ATXN7L1: variants seen among roughly 807,000 people sequenced by gnomAD.
ATXN7L1 encodes ataxin-7-like protein 1.
ATXN7L1 carries 15 observed loss-of-function variants against 70.8 expected under a neutral mutation model. The observed-to-expected ratio is 0.21, with a 90% CI of 0.14 to 0.33. The LOEUF is 0.33. ATXN7L1 is among the 10% of genes least tolerant of loss of function. The probability of loss-of-function intolerance (pLI) is 1.00; values close to 1 mark genes in which losing one functional copy is unlikely to be tolerated. For synonymous variants in ATXN7L1, 440 were observed against 445.1 expected (o/e 0.99, Z 0.14); for missense variants, 975 against 1,097.1 (o/e 0.89, Z 1.57).
rs567629010 is a variant in ATXN7L1, at chr7:105,815,326, T to C, written c.251-26618A>G. ...ACTGCAGGCTGACTTTCTACCTTAT[T>C]ATTAAGAGTTGTGTGATTTTGAAAC... On this transcript the variant is annotated intron_variant, in intron 2 of 11. Coordinates refer to ENST00000419735, the MANE Select transcript of ATXN7L1 (RefSeq NM_020725.2). Among the ~76,000 whole-genome samples the C allele has an allele frequency of 7.8e-4, 119 of 152,308 alleles. 1 individual carries two copies. The highest frequency in any genetic ancestry group is 5.2e-3 in the Admixed American group (79 of 15,294).
intron 3 of ATXN7L1, among the ~76,000 whole-genome samples, chr7:105,747,334 G>A (rs1230806666): frequency 1.3e-5 from 2 of 152,124 alleles, no homozygotes; most frequent in Non-Finnish European, 2.9e-5. Context: ...AAAAGGGTTC[G>A]GAGAACTTCT....
chr7:105,867,677 C>T (rs1278961237), intron 2 of ATXN7L1, among the ~76,000 whole-genome samples: 1 of 152,248 alleles, frequency 6.6e-6, no homozygotes, highest in African/African-American at 2.4e-5. Context: ...ATCGACAAGG[C>T]TGACTTACAT....
Position 105,876,397 on chromosome 7 carries a change from G to C in ATXN7L1, c.162C>G (p.Ala54=). 1 of 1,609,584 alleles carries C rather than the reference G, an allele frequency of 6.2e-7. No individual in the cohort carries two copies. The highest frequency in any genetic ancestry group is 1.1e-5 in the South Asian group (1 of 90,256). The part of the protein sequence containing the change: ...GKPWSSWIDA[A]KLHCSDNVDL... ...TCTTACTGTCGGAGCAGTGTAATTT[G>C]GCGGCGTCGATCCAGGAGGACCAGG... The change falls in exon 1 of 12, where the codon GCC becomes GCG. Residue 54 remains alanine, a synonymous_variant. Transcript: ENST00000419735.
intron 3 of ATXN7L1, among the ~76,000 whole-genome samples, chr7:105,786,531 T>C (rs1804331096): frequency 6.6e-6 from 1 of 152,198 alleles, no homozygotes; most frequent in African/African-American, 2.4e-5. Context: ...TTATTGTTTG[T>C]TTCTCTTGAG....
intron 3 of ATXN7L1, chr7:105,678,904 G>A: frequency 4.0e-6 from 1 of 251,528 alleles, no homozygotes; most frequent in Non-Finnish European, 6.3e-6. Flanking sequence ...CCAGCCCACA[G>A]CCGGAGAGCA....
At chr7:105,841,374 C>T (rs746539870) in intron 2 of ATXN7L1, among the ~76,000 whole-genome samples, 3 of 152,236 alleles carry the variant, frequency 2.0e-5, no homozygotes, top group Non-Finnish European at 4.4e-5. Flanking sequence ...TGCTTATCCA[C>T]GGTTTCACTT....
chr7:105,719,640 C>A (rs776322877), intron 3 of ATXN7L1, among the ~76,000 whole-genome samples: 3 of 152,124 alleles, frequency 2.0e-5, no homozygotes, highest in Non-Finnish European at 4.4e-5. Context: ...GAGAAGCGGA[C>A]TAAGCCTAGG....
intron 4 of ATXN7L1, among the ~76,000 whole-genome samples, chr7:105,645,874 G>T (rs528380855): frequency 6.6e-6 from 1 of 151,922 alleles, no homozygotes; most frequent in South Asian, 2.1e-4. Flanking sequence ...AGGGGTGGTG[G>T]TGCATGCCTG....
intron 3 of ATXN7L1, among the ~76,000 whole-genome samples, chr7:105,753,021 AGACT>A (rs1164682522): frequency 1.3e-5 from 2 of 152,248 alleles, no homozygotes; most frequent in Non-Finnish European, 2.9e-5. Context: ...TCTGTGACAC[AGACT>A]AATTAAATGA....
chr7:105,861,036 G>T (rs1376449663), intron 2 of ATXN7L1, among the ~76,000 whole-genome samples: 1 of 152,138 alleles, frequency 6.6e-6, no homozygotes, highest in Non-Finnish European at 1.5e-5. Flanking sequence ...GAGCGGCAGG[G>T]TGGCTTCCTT....
At chr7:105,680,184 G>A (rs1434003683) in intron 3 of ATXN7L1, among the ~76,000 whole-genome samples, 2 of 151,990 alleles carry the variant, frequency 1.3e-5, no homozygotes, top group Non-Finnish European at 2.9e-5. Context: ...ACTCCCTCAC[G>A]TCATGATCAC....
intron 10 of ATXN7L1, among the ~76,000 whole-genome samples, chr7:105,611,081 C>T (rs1210059406): frequency 7.9e-5 from 12 of 152,226 alleles, no homozygotes; most frequent in African/African-American, 1.4e-4. Context: ...TCAGTTTTCC[C>T]GGCTAGGAGA....
chr7:105,729,301 GAATAAATA>G (rs56308500), intron 3 of ATXN7L1, among the ~76,000 whole-genome samples: 53,080 of 147,252 alleles, frequency 0.36, 10,347 homozygotes, highest in African/African-American at 0.52. Flanking sequence ...ATGAATGAAT[GAATAAATA>G]AATAAATAAA....
chr7:105,761,292 T>C (rs1800499262), intron 3 of ATXN7L1: 1 of 1,594,938 alleles, frequency 6.3e-7, no homozygotes, highest in South Asian at 1.1e-5. Context: ...TCTGCTGGAG[T>C]CTCCTCTTCC....
chr7:105,733,944 C>CCATCCATCCATCCATCCATCATCCAT (rs1554444639), intron 3 of ATXN7L1, among the ~76,000 whole-genome samples: 2 of 150,964 alleles, frequency 1.3e-5, no homozygotes, highest in African/African-American at 4.9e-5. Flanking sequence ...ATCCATCCAT[C>CCATCCATCCATCCATCCATCATCCAT]CATCCATCCA....
intron 3 of ATXN7L1, among the ~76,000 whole-genome samples, chr7:105,709,552 C>T (rs966306071): frequency 3.3e-5 from 5 of 152,076 alleles, no homozygotes; most frequent in African/African-American, 9.7e-5. Flanking sequence ...TAGACCCCTT[C>T]CCTAATCACC....
intron 2 of ATXN7L1, among the ~76,000 whole-genome samples, chr7:105,829,982 C>G (rs1034045409): frequency 6.6e-6 from 1 of 152,136 alleles, no homozygotes; most frequent in South Asian, 2.1e-4. Flanking sequence ...TCTAAGTAGG[C>G]AGTAATAAGA....
intron 4 of ATXN7L1, among the ~76,000 whole-genome samples, chr7:105,662,663 T>C (rs1208745277): frequency 2.6e-5 from 4 of 152,206 alleles, no homozygotes; most frequent in Admixed American, 2.0e-4. Flanking sequence ...GCTCCTTCCC[T>C]GGCTTTCCTT....
chr7:105,766,038 G>A (rs896845656), intron 3 of ATXN7L1, among the ~76,000 whole-genome samples: 5 of 151,828 alleles, frequency 3.3e-5, no homozygotes, highest in Non-Finnish European at 5.9e-5. Context: ...AAAACTGTCT[G>A]GCTAGACCAG....
Sources: allele counts gnomAD v4.1 joint callset (sites outside exome capture counted in the v4.1 genomes callset), GRCh38; gene constraint gnomAD v4.1.1; transcripts MANE v1.5; gene names NCBI Gene and HGNC (gene_info 2026-07-23, HGNC 2026-07-21).